Variants in ADARB1 observed in about 807,000 individuals in gnomAD.
The protein encoded by ADARB1 is adenosine deaminase RNA specific B1.
In ADARB1, 10 loss-of-function variants were observed where a neutral mutation model predicts 52.4. That is an observed-to-expected ratio of 0.19 (90% CI 0.12 to 0.32). ADARB1 has a LOEUF of 0.32. Among genes scored for constraint, ADARB1 ranks in the 10% least tolerant of loss-of-function variants. The probability of loss-of-function intolerance (pLI) is 1.00; values close to 1 mark genes in which losing one functional copy is unlikely to be tolerated. For missense variants in ADARB1, 643 were observed against 922.3 expected (o/e 0.70, Z 3.92); for synonymous variants, 349 against 371.1 (o/e 0.94, Z 0.68).
intron 3 of ADARB1, 151 bp from the exon 4 acceptor site, chr21:45,175,579 T>C: frequency 1.3e-6 from 1 of 776,930 alleles, no homozygotes; most frequent in East Asian, 2.6e-5. Context: ...TTTAACTAAA[T>C]GTATAACTCT....
rs945417875 is a variant in ADARB1 at position 45,183,410 on chromosome 21, G to A, written c.1296G>A (p.Gly432=). 3 of 1,608,636 alleles carry A rather than the reference G, an allele frequency of 1.9e-6. No homozygotes were observed. The Admixed American group carries it at 5.1e-5, about 27-fold the overall frequency. Residue 432 remains glycine (G), a synonymous_variant, in exon 7 of 11, where the codon GGG becomes GGA. Transcript: ENST00000348831. Reference sequence around the variant, plus strand: ...CCATCTTTCAGAAATCAGAGCGAGGGGGGTTTAGGCTGAAGGAGAATGTCC... The same window carrying A: ...CCATCTTTCAGAAATCAGAGCGAGGAGGGTTTAGGCTGAAGGAGAATGTCC... The part of the protein sequence containing the change: ...KRSIFQKSER[G]GFRLKENVQF...
chr21:45,178,992 T>C (rs1537123), intron 4 of ADARB1, among the ~76,000 whole-genome samples: 78,579 of 152,042 alleles, frequency 0.52, 20,623 homozygotes, highest in South Asian at 0.57. Context: ...CCTAATCTTA[T>C]ATGAAATGGA....
intron 1 of ADARB1, among the ~76,000 whole-genome samples, chr21:45,108,740 TTA>T: frequency 7.6e-6 from 1 of 131,696 alleles, no homozygotes. Context: ...TCTGTATTCA[TTA>T]TGGATTTCAT....
At chr21:45,153,478 T>A (rs948408172) in intron 2 of ADARB1, among the ~76,000 whole-genome samples, 1 of 152,126 alleles carries the variant, frequency 6.6e-6, no homozygotes, top group African/African-American at 2.4e-5. Context: ...GCCCCCTTAG[T>A]GTCCCCCACC....
chr21:45,080,227 G>A (rs2086100570), intron 1 of ADARB1, among the ~76,000 whole-genome samples: 1 of 152,198 alleles, frequency 6.6e-6, no homozygotes, highest in Admixed American at 6.5e-5. Flanking sequence ...TGGGATGGTG[G>A]CTGGAGGGGA....
chr21:45,151,029 G>A (rs2145947239), intron 2 of ADARB1, among the ~76,000 whole-genome samples: 1 of 152,348 alleles, frequency 6.6e-6, no homozygotes, highest in South Asian at 2.1e-4. Context: ...GTCAGGCAGA[G>A]AGAGAGAGCA....
intron 1 of ADARB1, among the ~76,000 whole-genome samples, chr21:45,102,104 C>G (rs994276656): frequency 5.9e-5 from 9 of 152,150 alleles, no homozygotes; most frequent in Non-Finnish European, 2.9e-5. Flanking sequence ...GTTGCCCAGG[C>G]TAGACTTGAA....
chr21:45,087,957 T>C (rs914343539), intron 1 of ADARB1, among the ~76,000 whole-genome samples: 1 of 152,134 alleles, frequency 6.6e-6, no homozygotes, highest in Non-Finnish European at 1.5e-5. Context: ...TATGTGGGGA[T>C]TGAACAAATA....
chr21:45,195,113 TGTA>T (rs1332462660), intron 8 of ADARB1, among the ~76,000 whole-genome samples: 13 of 152,244 alleles, frequency 8.5e-5, no homozygotes, highest in Non-Finnish European at 1.9e-4. Context: ...CTAATACACA[TGTA>T]GTAGTATCTC....
chr21:45,210,871 C>T (rs866710942), intron 9 of ADARB1, among the ~76,000 whole-genome samples: 51 of 152,344 alleles, frequency 3.3e-4, no homozygotes, highest in Admixed American at 2.6e-4. Flanking sequence ...CCCACTCCCC[C>T]GGCTGCTCCC....
intron 2 of ADARB1, among the ~76,000 whole-genome samples, chr21:45,164,263 C>T (rs1192688966): frequency 6.6e-6 from 1 of 152,104 alleles, no homozygotes; most frequent in Non-Finnish European, 1.5e-5. Context: ...CAGGGGAGGA[C>T]AGCTGTTGAA....
At chr21:45,089,375 G>T (rs1011879619) in intron 1 of ADARB1, among the ~76,000 whole-genome samples, 2 of 152,188 alleles carry the variant, frequency 1.3e-5, no homozygotes, top group Non-Finnish European at 2.9e-5. Context: ...GGCAGAAATG[G>T]CAGGACCAGC....
chr21:45,155,691 C>T (rs866882208), intron 2 of ADARB1, among the ~76,000 whole-genome samples: 5 of 151,100 alleles, frequency 3.3e-5, no homozygotes, highest in East Asian at 3.9e-4. Context: ...CATCTATCTG[C>T]GCATCTACCC....
intron 2 of ADARB1, among the ~76,000 whole-genome samples, chr21:45,161,458 G>T (rs1330537905): frequency 6.6e-6 from 1 of 152,238 alleles, no homozygotes; most frequent in African/African-American, 2.4e-5. Context: ...CTGGCTGGGT[G>T]TGTGTTTGCT....
At chr21:45,096,094 C>T (rs1183325007) in intron 1 of ADARB1, among the ~76,000 whole-genome samples, 2 of 152,232 alleles carry the variant, frequency 1.3e-5, no homozygotes, top group Non-Finnish European at 2.9e-5. Context: ...AATCCTTTAT[C>T]CCAAATTAGA....
chr21:45,220,927 C>T lies in ADARB1; in HGVS notation c.1839C>T (p.Asn613=), dbSNP rs548829091. The change falls in exon 10 of 11, where the codon AAC becomes AAT. Residue 613 remains asparagine, a synonymous_variant. Transcript: ENST00000348831. The surrounding 1 kb of genome is among the most constrained non-coding windows in gnomAD (Gnocchi z 6.3). ...GCGACTCCGCTATTGAGGTCATCAA[C>T]GCCACGACTGGGAAGGATGAGCTGG... is the stretch of plus-strand genomic sequence containing the variant. The part of the protein sequence containing the change: ...TVGDSAIEVI[N]ATTGKDELGR... 7.3e-5 allele frequency: 118 copies of T among 1,613,480 alleles called. 2 individuals carry two copies. In the South Asian group the frequency reaches 1.1e-3, roughly 15 times the overall value.
At position 45,223,654 on chromosome 21, in the gene ADARB1, G is replaced by A; in HGVS notation, c.*1457G>A. The A allele has an allele frequency of 1.0e-6, 1 of 985,628 alleles. No homozygotes were observed. 61.1% of individuals were successfully genotyped at this position (985,628 alleles called of 1,614,324 possible). A position where few individuals can be genotyped will look rare whatever the true frequency, so the allele number is the denominator to read the frequency against. ...CATACACCTGCCACAGCGAAATCCA[G>A]GGTGTTGGCACCTGTGTGTCCGTGA... On this transcript the variant is annotated 3_prime_UTR_variant, in exon 11 of 11. Transcript: ENST00000348831.
chr21:45,218,497 C>T (rs180958172), intron 9 of ADARB1, among the ~76,000 whole-genome samples: 4 of 152,364 alleles, frequency 2.6e-5, no homozygotes, highest in Non-Finnish European at 5.9e-5. Context: ...CATGCCTACT[C>T]TGATCAGTGC....
intron 1 of ADARB1, among the ~76,000 whole-genome samples, chr21:45,097,452 T>C (rs943141999): frequency 2.6e-5 from 4 of 151,472 alleles, no homozygotes; most frequent in Non-Finnish European, 5.9e-5. Context: ...TTTTTTTTTT[T>C]CTGGAGGTGG....
Sources: gnomAD v4.1 joint callset for allele counts (sites outside exome capture counted in the v4.1 genomes callset) on GRCh38, gnomAD v4.1.1 for gene constraint, Gnocchi (gnomAD v3.1) non-coding constraint, MANE v1.5 for transcripts, NCBI Gene and HGNC (gene_info 2026-07-23, HGNC 2026-07-21) for gene names.